Variants in TRAPPC9 observed in about 807,000 individuals in gnomAD.
TRAPPC9 encodes trafficking protein particle complex subunit 9.
In TRAPPC9, 83 loss-of-function variants were observed where a neutral mutation model predicts 124.0. The observed-to-expected ratio is 0.67, with a 90% CI of 0.56 to 0.80. TRAPPC9 has a LOEUF of 0.80. TRAPPC9 is among the 30% of genes least tolerant of loss of function. The pLI is 0.00. For missense variants in TRAPPC9, 1,302 were observed against 1,508.3 expected (o/e 0.86, Z 2.27); for synonymous variants, 638 against 617.5 (o/e 1.03, Z -0.49).
intron 15 of TRAPPC9, 128 bp from the exon 16 acceptor site, chr8:140,253,057 G>C: frequency 1.1e-6 from 1 of 930,762 alleles, no homozygotes; most frequent in African/African-American, 1.6e-5. Context: ...AAATGTGTAA[G>C]ATCAAAGTGA....
At chr8:139,786,415 C>G (rs1014245592) in intron 21 of TRAPPC9, among the ~76,000 whole-genome samples, 1 of 151,894 alleles carries the variant, frequency 6.6e-6, no homozygotes, top group Admixed American at 6.6e-5. Context: ...ACATCAAGTG[C>G]GGTGGGGAGG....
intron 21 of TRAPPC9, among the ~76,000 whole-genome samples, chr8:139,879,720 AAGAG>A (rs1392266998): frequency 6.6e-6 from 1 of 152,230 alleles, no homozygotes; most frequent in African/African-American, 2.4e-5. Context: ...CGAGGGAATG[AAGAG>A]AGAGAAGACA....
At chr8:140,345,943 G>T (rs926736162) in intron 9 of TRAPPC9, among the ~76,000 whole-genome samples, 7 of 152,220 alleles carry the variant, frequency 4.6e-5, no homozygotes, top group African/African-American at 1.7e-4. Flanking sequence ...GACATCCGGG[G>T]AGACCGAGAG....
At chr8:140,279,694 C>T (rs1303675791) in intron 14 of TRAPPC9, among the ~76,000 whole-genome samples, 1 of 152,096 alleles carries the variant, frequency 6.6e-6, no homozygotes, top group African/African-American at 2.4e-5. Context: ...ACCCCCGTCA[C>T]AGTGCATCCG....
intron 21 of TRAPPC9, among the ~76,000 whole-genome samples, chr8:139,843,236 G>A (rs142736850): frequency 2.0e-5 from 3 of 152,336 alleles, no homozygotes; most frequent in African/African-American, 4.8e-5. Context: ...CACTGGCCTC[G>A]TTTTATGCAC....
At chr8:140,209,058 G>C (rs1379435531) in intron 17 of TRAPPC9, among the ~76,000 whole-genome samples, 2 of 152,204 alleles carry the variant, frequency 1.3e-5, no homozygotes, top group African/African-American at 4.8e-5. Context: ...TGTTCAGACA[G>C]TGTTTGTTGC....
At chr8:139,797,812 G>C (rs1823208866) in intron 21 of TRAPPC9, among the ~76,000 whole-genome samples, 1 of 152,216 alleles carries the variant, frequency 6.6e-6, no homozygotes, top group East Asian at 1.9e-4. Context: ...GGCCGTAAAT[G>C]CAAGGGTTGG....
At chr8:139,858,587 G>C (rs996778808) in intron 21 of TRAPPC9, among the ~76,000 whole-genome samples, 2 of 152,192 alleles carry the variant, frequency 1.3e-5, no homozygotes, top group African/African-American at 4.8e-5. Context: ...AGCCAGGAAG[G>C]CCCCAGTAGA....
At chr8:140,276,210 G>C (rs2065113982) in intron 14 of TRAPPC9, among the ~76,000 whole-genome samples, 1 of 152,220 alleles carries the variant, frequency 6.6e-6, no homozygotes, top group Admixed American at 6.5e-5. Flanking sequence ...GTCATGCTTA[G>C]AAGTACCTTG....
intron 17 of TRAPPC9, among the ~76,000 whole-genome samples, chr8:140,106,995 A>C (rs1013609751): frequency 5.3e-5 from 8 of 152,238 alleles, no homozygotes; most frequent in Non-Finnish European, 8.8e-5. Context: ...CCTGAGCTCC[A>C]TGAGCGCCAG....
intron 10 of TRAPPC9, among the ~76,000 whole-genome samples, chr8:140,301,002 C>T (rs1332736814): frequency 6.6e-6 from 1 of 152,160 alleles, no homozygotes; most frequent in Non-Finnish European, 1.5e-5. Flanking sequence ...CAGGTGGGGC[C>T]ACCACCTTCC....
intron 9 of TRAPPC9, among the ~76,000 whole-genome samples, chr8:140,351,876 T>C (rs1337298052): frequency 6.6e-6 from 1 of 152,188 alleles, no homozygotes; most frequent in Non-Finnish European, 1.5e-5. Flanking sequence ...AACAGCTTTG[T>C]TGAGATATAA....
chr8:139,833,489 G>C (rs1275627739), intron 21 of TRAPPC9, among the ~76,000 whole-genome samples: 1 of 152,336 alleles, frequency 6.6e-6, no homozygotes, highest in East Asian at 1.9e-4. Context: ...AGCTGGTCAC[G>C]AAGAATCCGG....
At chr8:139,851,826 C>T (rs538812938) in intron 21 of TRAPPC9, among the ~76,000 whole-genome samples, 81 of 152,312 alleles carry the variant, frequency 5.3e-4, no homozygotes, top group Non-Finnish European at 1.0e-3. Context: ...CATTCAGTCA[C>T]GCACAGTCTC....
chr8:139,867,031 C>T (rs1313176036), intron 21 of TRAPPC9, among the ~76,000 whole-genome samples: 5 of 152,178 alleles, frequency 3.3e-5, no homozygotes, highest in Non-Finnish European at 5.9e-5. Flanking sequence ...GATGGGGTTT[C>T]ACCATATTGG....
intron 17 of TRAPPC9, among the ~76,000 whole-genome samples, chr8:140,128,695 G>A (rs1176403351): frequency 2.0e-5 from 3 of 152,198 alleles, no homozygotes; most frequent in Admixed American, 2.0e-4. Flanking sequence ...CAAGGGGTCG[G>A]CATGATTTCG....
chr8:139,964,097 A>G (rs560331809), intron 19 of TRAPPC9, among the ~76,000 whole-genome samples: 1 of 151,826 alleles, frequency 6.6e-6, no homozygotes, highest in African/African-American at 2.4e-5. Flanking sequence ...GGTGGCGGGC[A>G]CCTGTAGTCC....
intron 7 of TRAPPC9, among the ~76,000 whole-genome samples, chr8:140,374,659 T>C (rs1450027549): frequency 2.6e-5 from 4 of 152,112 alleles, no homozygotes; most frequent in Non-Finnish European, 5.9e-5. Context: ...TGCCCAGACC[T>C]TCAGCTGCAC....
chr8:139,733,090 C>T (rs373735629), intron 21 of TRAPPC9, among the ~76,000 whole-genome samples: 2 of 151,990 alleles, frequency 1.3e-5, no homozygotes, highest in Admixed American at 1.3e-4. Context: ...AGAATGTGAC[C>T]GTATTGGGGA....
Sources: gnomAD v4.1 joint callset for allele counts (sites outside exome capture counted in the v4.1 genomes callset) on GRCh38, gnomAD v4.1.1 for gene constraint, MANE v1.5 for transcripts, NCBI Gene and HGNC (gene_info 2026-07-23, HGNC 2026-07-21) for gene names.